Variants in ADAMTS12 observed in about 807,000 individuals in gnomAD.
ADAMTS12 encodes ADAM metallopeptidase with thrombospondin type 1 motif 12.
A neutral mutation model predicts 167.8 loss-of-function variants in ADAMTS12; 118 were observed. The observed-to-expected ratio is 0.70, with a 90% CI of 0.61 to 0.82. The LOEUF is 0.82. ADAMTS12 is among the 40% of genes least tolerant of loss of function. The pLI is 0.00. For missense variants in ADAMTS12, 1,916 were observed against 1,998.8 expected (o/e 0.96, Z 0.79); for synonymous variants, 704 against 716.9 (o/e 0.98, Z 0.29).
At chr5:33,690,333 T>C (rs1318017851) in intron 3 of ADAMTS12, among the ~76,000 whole-genome samples, 2 of 152,194 alleles carry the variant, frequency 1.3e-5, no homozygotes, top group Non-Finnish European at 2.9e-5. Flanking sequence ...CTGGCCATTG[T>C]TGAAGTACAA....
At chr5:33,760,920 T>TGTGCGC (rs1323504319) in intron 2 of ADAMTS12, among the ~76,000 whole-genome samples, 24 of 146,162 alleles carry the variant, frequency 1.6e-4, no homozygotes, top group African/African-American at 6.1e-4. Flanking sequence ...TGTGTGTGTG[T>TGTGCGC]GCGTATGCGC....
chr5:33,846,721 T>A (rs1002023738), intron 2 of ADAMTS12, among the ~76,000 whole-genome samples: 5 of 152,216 alleles, frequency 3.3e-5, no homozygotes, highest in African/African-American at 1.2e-4. Context: ...GAACACACAA[T>A]GGGTACCTAA....
At chr5:33,624,722 C>T (rs546027579) in intron 13 of ADAMTS12, among the ~76,000 whole-genome samples, 6 of 152,194 alleles carry the variant, frequency 3.9e-5, no homozygotes, top group South Asian at 4.2e-4. Flanking sequence ...AGGAGAGCCA[C>T]GAAGCTTGGG....
chr5:33,715,876 C>T (rs2112326032), intron 3 of ADAMTS12, among the ~76,000 whole-genome samples: 1 of 152,162 alleles, frequency 6.6e-6, no homozygotes, highest in African/African-American at 2.4e-5. Flanking sequence ...CTAGCCAACC[C>T]CACCCAAGTT....
chr5:33,632,606 C>T (rs1739999570), intron 12 of ADAMTS12, among the ~76,000 whole-genome samples: 1 of 152,102 alleles, frequency 6.6e-6, no homozygotes, highest in African/African-American at 2.4e-5. Flanking sequence ...TGTGTAGCTC[C>T]ATTTCTGGTA....
At chr5:33,617,166 T>C (rs1164425800) in intron 14 of ADAMTS12, among the ~76,000 whole-genome samples, 1 of 152,162 alleles carries the variant, frequency 6.6e-6, no homozygotes, top group African/African-American at 2.4e-5. Flanking sequence ...TCAGCTCTAA[T>C]AGTGAGTGAT....
At chr5:33,636,503 A>C (rs977404096) in intron 12 of ADAMTS12, among the ~76,000 whole-genome samples, 1 of 152,188 alleles carries the variant, frequency 6.6e-6, no homozygotes, top group Non-Finnish European at 1.5e-5. Context: ...GGGGGCAAGG[A>C]GCAATCACTG....
intron 2 of ADAMTS12, among the ~76,000 whole-genome samples, chr5:33,800,626 A>G (rs987310871): frequency 2.2e-5 from 2 of 92,188 alleles, no homozygotes; most frequent in Non-Finnish European, 4.6e-5. Context: ...TAATCAATTC[A>G]AAAGTATTTT....
At chr5:33,706,099 TA>T (rs970893190) in intron 3 of ADAMTS12, among the ~76,000 whole-genome samples, 2 of 152,016 alleles carry the variant, frequency 1.3e-5, no homozygotes, top group African/African-American at 4.8e-5. Flanking sequence ...GACTTTTTTT[TA>T]AAAAAATAGA....
Position 33,881,288 on chromosome 5 carries a change from G to A in ADAMTS12, c.320C>T (p.Thr107Met), listed in dbSNP as rs201373627. 7.9e-5 allele frequency: 128 copies of A among 1,614,192 alleles called. 1 individual carries two copies. The highest frequency in any genetic ancestry group is 2.7e-4 in the South Asian group (25 of 91,090). ...ATTGGAAAGAAATCCTTGATTGACC[G>A]TCAAGTTAAAAAACAGGTCCTTCTC... ...HEEKDLFFNL[T>M]VNQGFLSNSY... The change falls in exon 2 of 24, where the codon ACG becomes ATG. Residue 107 changes from threonine to methionine, a missense_variant. Transcript: ENST00000504830.
intron 15 of ADAMTS12, among the ~76,000 whole-genome samples, 154 bp from the exon 16 acceptor site, chr5:33,614,530 C>T (rs184000357): frequency 4.2e-4 from 63 of 149,684 alleles, no homozygotes; most frequent in African/African-American, 1.4e-3. Flanking sequence ...TATGTCTGTG[C>T]CTATGTCTAT....
intron 3 of ADAMTS12, among the ~76,000 whole-genome samples, chr5:33,729,553 T>C (rs2112350211): frequency 6.6e-6 from 1 of 152,362 alleles, no homozygotes. Flanking sequence ...GGAGTTTTTG[T>C]GGCCTCCATT....
intron 21 of ADAMTS12, 36 bp from the exon 22 acceptor site, chr5:33,546,238 A>C: frequency 6.3e-7 from 1 of 1,581,026 alleles, no homozygotes; most frequent in Non-Finnish European, 8.6e-7. Context: ...GGTAAAAGTC[A>C]GGTGGAGACA....
At chr5:33,883,316 G>GT (rs143214106) in intron 1 of ADAMTS12, among the ~76,000 whole-genome samples, 5,334 of 125,686 alleles carry the variant, frequency 0.042, 179 homozygotes, top group East Asian at 0.16. Flanking sequence ...TGTTTGTTTG[G>GT]TTTTTTTTTT....
At chr5:33,649,047 T>G in intron 8 of ADAMTS12, 81 bp from the exon 9 acceptor site, 3 of 1,525,268 alleles carry the variant, frequency 2.0e-6, no homozygotes, top group Non-Finnish European at 2.7e-6. Flanking sequence ...GAAACTTCCC[T>G]CTGGTTTACT....
rs112363994 is a variant in ADAMTS12 at position 33,616,004 on chromosome 5, C to T, written c.2212G>A (p.Gly738Arg). ...TCACTCCTGATGGCCAGGAAGTTTCCAGCTCCCTCAATTTCCATCACTCTT... is the reference window on the plus strand; with the variant it reads ...TCACTCCTGATGGCCAGGAAGTTTCTAGCTCCCTCAATTTCCATCACTCTT... ...DIRVMEIEGA[G>R]NFLAIRSEDP... Residue 738 changes from glycine (G) to arginine (R), a missense_variant, in exon 15 of 24, where the codon GGA becomes AGA. By Grantham distance (125) the Gly-to-Arg change is moderately radical. Transcript: ENST00000504830. 10 of 1,614,002 alleles carry T rather than the reference C, an allele frequency of 6.2e-6. No homozygotes were observed. In the African/African-American group the frequency reaches 1.1e-4, roughly 17 times the overall value.
intron 19 of ADAMTS12, among the ~76,000 whole-genome samples, chr5:33,562,573 G>C (rs1426636638): frequency 6.6e-6 from 1 of 150,874 alleles, no homozygotes; most frequent in Non-Finnish European, 1.5e-5. Flanking sequence ...GGTTTCTTTT[G>C]ATAGGCTGTA....
intron 3 of ADAMTS12, among the ~76,000 whole-genome samples, chr5:33,693,970 A>G (rs1411369283): frequency 1.3e-5 from 2 of 152,234 alleles, no homozygotes; most frequent in African/African-American, 4.8e-5. Context: ...CTCAGGATAC[A>G]AAATCAATGT....
At chr5:33,568,359 T>A in intron 19 of ADAMTS12, among the ~76,000 whole-genome samples, 1 of 152,136 alleles carries the variant, frequency 6.6e-6, no homozygotes, top group East Asian at 1.9e-4. Context: ...ATGCAAGAAA[T>A]TTTGGAGGTG....
Sources: gnomAD v4.1 joint callset for allele counts (sites outside exome capture counted in the v4.1 genomes callset) on GRCh38, gnomAD v4.1.1 for gene constraint, MANE v1.5 for transcripts, NCBI Gene and HGNC (gene_info 2026-07-23, HGNC 2026-07-21) for gene names.